Variants in GNAQ observed in about 807,000 individuals in gnomAD.
GNAQ encodes G protein subunit alpha q.
In GNAQ, 8 loss-of-function variants were observed where a neutral mutation model predicts 43.9. The ratio of observed to expected loss-of-function variants is 0.18; its 90% CI spans 0.11 to 0.33. GNAQ has a LOEUF of 0.33. Ranked by LOEUF, GNAQ falls within the 10% of genes least tolerant of loss-of-function variation. The pLI is 1.00. For synonymous variants in GNAQ, 155 were observed against 170.7 expected, an observed-to-expected ratio of 0.91 and a Z score of 0.71; for missense variants, 158 against 450.8, an observed-to-expected ratio of 0.35 and a Z score of 5.88.
rs1825246734 is a variant in GNAQ, at chr9:77,717,655, A to G, written c.*3668T>C. On this transcript the variant is annotated 3_prime_UTR_variant, in exon 7 of 7. Transcript: ENST00000286548. ...CAGTTCGTACACTTTGACAATCAAG[A>G]TAGTCTGAAGTACAAAAAAGTAAAT... is the stretch of plus-strand genomic sequence containing the variant. 2.6e-5 allele frequency: 6 copies of G among 232,384 alleles called. No individual in the cohort carries two copies. The East Asian group carries it at 3.7e-4, about 14-fold the overall frequency. 14.4% of individuals were successfully genotyped at this position (232,384 alleles called of 1,614,324 possible). A position where few individuals can be genotyped will look rare whatever the true frequency, so the allele number is the denominator to read the frequency against.
At position 77,877,591 on chromosome 9, in the gene GNAQ, G is replaced by A. The variant is rs1026984046; in HGVS notation, c.321+44570C>T. On this transcript the variant is annotated intron_variant, in intron 2 of 6. Transcript: ENST00000286548. The stretch of plus-strand genomic sequence containing the variant: ...CCAAATTATGCTTTTTATTTGAGGA[G>A]GAGTGTGAAAACAATTACCGTAACC... Among the ~76,000 whole-genome samples the A allele has an allele frequency of 3.3e-5, 5 of 152,230 alleles. No individual in the cohort carries two copies. In the East Asian group the frequency reaches 5.8e-4, roughly 18 times the overall value.
intron 2 of GNAQ, among the ~76,000 whole-genome samples, chr9:77,849,425 A>C (rs1402599503): frequency 6.6e-6 from 1 of 152,112 alleles, no homozygotes; most frequent in Non-Finnish European, 1.5e-5. Context: ...CAGGAGTTCA[A>C]TGTGGAGCCA....
chr9:77,918,575 T>C (rs576575325), intron 2 of GNAQ, among the ~76,000 whole-genome samples: 176 of 152,268 alleles, frequency 1.2e-3, no homozygotes, highest in Admixed American at 2.5e-3. Flanking sequence ...AAATTTAGCC[T>C]GCATGTGAAA....
intron 1 of GNAQ, among the ~76,000 whole-genome samples, chr9:77,985,027 T>C (rs1823416334): frequency 6.6e-6 from 1 of 152,108 alleles, no homozygotes; most frequent in African/African-American, 2.4e-5. Context: ...AAAGAGTTTG[T>C]GGGCCAGGCG....
chr9:77,794,332 T>C (rs996647026), intron 5 of GNAQ, 131 bp downstream of exon 5: 2 of 568,850 alleles, frequency 3.5e-6, no homozygotes, highest in African/African-American at 3.8e-5. Flanking sequence ...TTGGTTATTT[T>C]AAAAGTCCTA....
intron 2 of GNAQ, 151 bp from the exon 3 acceptor site, chr9:77,815,921 T>C (rs976045501): frequency 4.7e-5 from 26 of 552,454 alleles, no homozygotes; most frequent in Admixed American, 7.1e-5. Context: ...TCATATTTTT[T>C]GTTTTTCTTA....
intron 5 of GNAQ, among the ~76,000 whole-genome samples, chr9:77,764,775 A>C (rs1826108343): frequency 6.6e-6 from 1 of 152,130 alleles, no homozygotes; most frequent in Middle Eastern, 3.2e-3. Context: ...GCTAATAGTT[A>C]AGCAGTGGCA....
chr9:77,897,267 T>G (rs1356363860), intron 2 of GNAQ, among the ~76,000 whole-genome samples: 2 of 152,242 alleles, frequency 1.3e-5, no homozygotes, highest in Non-Finnish European at 2.9e-5. Flanking sequence ...GATTTTAAAA[T>G]TATTTATGAT....
At chr9:77,734,599 C>A (rs1825547528) in intron 5 of GNAQ, among the ~76,000 whole-genome samples, 1 of 152,104 alleles carries the variant, frequency 6.6e-6, no homozygotes, top group African/African-American at 2.4e-5. Flanking sequence ...ATAAAACTTT[C>A]CAGGGTGCAG....
At chr9:77,738,745 CAACT>C (rs1380471667) in intron 5 of GNAQ, among the ~76,000 whole-genome samples, 1 of 152,132 alleles carries the variant, frequency 6.6e-6, no homozygotes, top group South Asian at 2.1e-4. Flanking sequence ...TATTTAACTT[CAACT>C]AACTAAAACT....
chr9:77,919,061 A>T (rs1257146116), intron 2 of GNAQ, among the ~76,000 whole-genome samples: 1 of 152,128 alleles, frequency 6.6e-6, no homozygotes, highest in Non-Finnish European at 1.5e-5. Flanking sequence ...CTGGGATTAC[A>T]GGCATGTGCC....
intron 2 of GNAQ, among the ~76,000 whole-genome samples, chr9:77,841,397 T>C (rs1333862556): frequency 6.6e-6 from 1 of 152,076 alleles, no homozygotes; most frequent in African/African-American, 2.4e-5. Context: ...AGCCCAAAGC[T>C]CTCAGTATAT....
intron 1 of GNAQ, among the ~76,000 whole-genome samples, chr9:77,947,402 T>C (rs1822918131): frequency 1.3e-5 from 2 of 152,178 alleles, no homozygotes; most frequent in South Asian, 4.1e-4. Context: ...GACTCTGCCC[T>C]ATGCCAGTGC....
chr9:77,823,795 A>G (rs1827150851), intron 2 of GNAQ, among the ~76,000 whole-genome samples: 1 of 152,184 alleles, frequency 6.6e-6, no homozygotes, highest in Non-Finnish European at 1.5e-5. Flanking sequence ...ACCTCCCATG[A>G]GGCCCTTCCC....
At chr9:77,760,442 C>T (rs1018443101) in intron 5 of GNAQ, among the ~76,000 whole-genome samples, 21 of 152,240 alleles carry the variant, frequency 1.4e-4, no homozygotes, top group African/African-American at 5.1e-4. Context: ...CTCCTAACCG[C>T]GAGTGATCCG....
intron 2 of GNAQ, among the ~76,000 whole-genome samples, chr9:77,914,248 A>G (rs909515191): frequency 1.3e-5 from 2 of 152,234 alleles, no homozygotes; most frequent in Non-Finnish European, 2.9e-5. Flanking sequence ...CAGAGACTCC[A>G]TGGTGATTCA....
At chr9:77,728,467 CA>C in intron 6 of GNAQ, 46 bp downstream of exon 6, 1 of 1,435,384 alleles carries the variant, frequency 7.0e-7, no homozygotes, top group Non-Finnish European at 9.8e-7. Context: ...GGTTTGGAGA[CA>C]AAACCTATTC....
intron 2 of GNAQ, among the ~76,000 whole-genome samples, chr9:77,890,035 A>T (rs1294120407): frequency 6.6e-6 from 1 of 152,254 alleles, no homozygotes; most frequent in Non-Finnish European, 1.5e-5. Flanking sequence ...TACAAAACAC[A>T]TAATAGCTAA....
intron 5 of GNAQ, among the ~76,000 whole-genome samples, chr9:77,732,804 G>A (rs1314219522): frequency 6.6e-6 from 1 of 152,166 alleles, no homozygotes; most frequent in Non-Finnish European, 1.5e-5. Context: ...GGAAACAACT[G>A]TCCCTCTCAA....
Sources: allele counts gnomAD v4.1 joint callset (sites outside exome capture counted in the v4.1 genomes callset), GRCh38; gene constraint gnomAD v4.1.1; transcripts MANE v1.5; gene names NCBI Gene and HGNC (gene_info 2026-07-23, HGNC 2026-07-21).